Variants in APC observed in about 807,000 individuals in gnomAD.
APC encodes adenomatous polyposis coli protein.
In APC, 72 loss-of-function variants were observed where a neutral mutation model predicts 247.0. That is an observed-to-expected ratio of 0.29 (90% CI 0.24 to 0.35). The LOEUF is 0.35. Among genes scored for constraint, APC ranks in the 10% least tolerant of loss-of-function variants. The pLI, the probability that APC is intolerant of heterozygous loss-of-function variation, is 1.00. For missense variants in APC, 3,400 were observed against 3,360.7 expected, an observed-to-expected ratio of 1.01 and a Z score of -0.29; for synonymous variants, 1,254 against 1,162.5, an observed-to-expected ratio of 1.08 and a Z score of -1.60.
At position 112,806,005 on chromosome 5, in the gene APC, C is replaced by T. The variant is rs185150066; in HGVS notation, c.834+4622C>T. 5.9e-5 allele frequency among the ~76,000 whole-genome samples: 9 copies of T among 152,306 alleles called. No individual in the cohort carries two copies. In the East Asian group the frequency reaches 1.2e-3, roughly 20 times the overall value. ...TTTATGTCACATCTTGCTCTCACAC[C>T]TCCACACTGGCCTTCTCTCAGTACC... On this transcript the variant is annotated intron_variant, in intron 8 of 15. Coordinates refer to ENST00000257430, the MANE Select transcript of APC (RefSeq NM_000038.6).
intron 4 of APC, among the ~76,000 whole-genome samples, chr5:112,771,962 A>C (rs2149804049): frequency 6.6e-6 from 1 of 152,318 alleles, no homozygotes; most frequent in South Asian, 2.1e-4. Flanking sequence ...CATGAGAATA[A>C]CGACCTCAAA....
At position 112,774,858 on chromosome 5, in the gene APC, A is replaced by C. The variant is rs182661798; in HGVS notation, c.423-771A>C. 1.7e-4 allele frequency among the ~76,000 whole-genome samples: 26 copies of C among 152,350 alleles called. 1 individual carries two copies. Among genetic ancestry groups the C allele is most frequent in the Admixed American group, 1.5e-3 (23 of 15,302 alleles). ...ATGCTACAATTTATATTTAAAATGTACATATAAGTATGCACATATGTCCTT... is the reference window on the plus strand; with the variant it reads ...ATGCTACAATTTATATTTAAAATGTCCATATAAGTATGCACATATGTCCTT... On this transcript the variant is annotated intron_variant, in intron 4 of 15. Coordinates refer to ENST00000257430, the MANE Select transcript of APC (RefSeq NM_000038.6).
chr5:112,762,849 G>A (rs1447996740), intron 2 of APC, among the ~76,000 whole-genome samples: 1 of 152,170 alleles, frequency 6.6e-6, no homozygotes, highest in Non-Finnish European at 1.5e-5. Context: ...AAAATTACTT[G>A]AGGTCAGTTT....
rs1381710450 is a variant in APC, at chr5:112,828,994, A to G, written c.1743+22A>G. The G allele has an allele frequency of 3.9e-6, 6 of 1,525,322 alleles. No individual in the cohort carries two copies. The Admixed American group carries it at 6.7e-5, about 17-fold the overall frequency. The allele number at this position is 1,525,322 out of a possible 1,614,324, so 94.5% of individuals were successfully genotyped here. ...AAAGGTACCTTTGAAAACATTTAGT[A>G]CTATAATATGAATTTCATGTTTGGC... On this transcript the variant is annotated intron_variant, in intron 14 of 15. Coordinates refer to ENST00000257430, the MANE Select transcript of APC (RefSeq NM_000038.6).
chr5:112,731,032 G>T (rs2149672106), intron 1 of APC, among the ~76,000 whole-genome samples: 1 of 151,492 alleles, frequency 6.6e-6, no homozygotes, highest in African/African-American at 2.4e-5. Flanking sequence ...ACAATATTCT[G>T]CATTTTCACA....
chr5:112,828,223 G>A (rs1225584743), intron 13 of APC, among the ~76,000 whole-genome samples: 2 of 151,840 alleles, frequency 1.3e-5, no homozygotes, highest in Non-Finnish European at 2.9e-5. Flanking sequence ...TTATAGAGAC[G>A]GGGTTTCACC....
chr5:112,783,630 CAAA>C (rs563801773), intron 6 of APC: 197 of 80,598 alleles, frequency 2.4e-3, no homozygotes, highest in South Asian at 0.011. Context: ...CTGCCTCTAC[CAAA>C]AAAAAAAAAA....
chr5:112,734,974 A>AT (rs973295596), upstream of APC, among the ~76,000 whole-genome samples: 371 of 150,100 alleles, frequency 2.5e-3, 2 homozygotes, highest in African/African-American at 8.1e-3. Flanking sequence ...CTATTTAGTC[A>AT]TTTTTTTTTG....
chr5:112,708,516 G>A (rs1750664284), intron 1 of APC, among the ~76,000 whole-genome samples: 2 of 152,120 alleles, frequency 1.3e-5, no homozygotes, highest in Non-Finnish European at 2.9e-5. Flanking sequence ...GTGGGGGCGT[G>A]AGCTTTCTAG....
chr5:112,711,017 C>G (rs1287582013), intron 1 of APC, among the ~76,000 whole-genome samples: 1 of 152,232 alleles, frequency 6.6e-6, no homozygotes, highest in African/African-American at 2.4e-5. Flanking sequence ...ATCACCAAAT[C>G]CAATGACGTT....
chr5:112,709,787 T>G (rs1750743202), intron 1 of APC, among the ~76,000 whole-genome samples: 2 of 151,912 alleles, frequency 1.3e-5, no homozygotes, highest in African/African-American at 4.8e-5. Context: ...TGCCTGTGAT[T>G]CCAGCTACTT....
chr5:112,834,572 C>G (rs1580601720), intron 14 of APC, among the ~76,000 whole-genome samples: 2 of 152,116 alleles, frequency 1.3e-5, no homozygotes, highest in Middle Eastern at 3.4e-3. Context: ...ACTTCCTGTT[C>G]ACTTTTTTTT....
rs951500465 is a variant in APC at position 112,707,576 on chromosome 5, G to C, written c.-142G>C. 12 of 869,610 alleles carry C rather than the reference G, an allele frequency of 1.4e-5. No homozygotes were observed. The highest frequency in any genetic ancestry group is 8.4e-5 in the Admixed American group (3 of 35,742). The allele number at this position is 869,610 out of a possible 1,614,324, so 53.9% of individuals were successfully genotyped here. A position where few individuals can be genotyped will look rare whatever the true frequency, so the allele number is the denominator to read the frequency against. On this transcript the variant is annotated 5_prime_UTR_variant, in exon 1 of 14. Coordinates refer to the APC transcript ENST00000507379. ...GCGGGGTGTGGCCGCCGGAAGCCTAGCCGCTGCTCGGGGGGGACCTGCGGG... is the reference window on the plus strand; with the variant it reads ...GCGGGGTGTGGCCGCCGGAAGCCTACCCGCTGCTCGGGGGGGACCTGCGGG...
At position 112,767,323 on chromosome 5, in the gene APC, C is replaced by T. The variant is rs2149789193; in HGVS notation, c.355C>T (p.Pro119Ser). The T allele has an allele frequency of 6.2e-7, 1 of 1,614,020 alleles. No homozygotes were observed. The highest frequency in any genetic ancestry group is 8.5e-7 in the Non-Finnish European group (1 of 1,179,986). Residue 119 changes from proline to serine, a missense_variant, in exon 4 of 16, where the codon CCA becomes TCA. Pro to Ser is a moderately conservative substitution (Grantham distance 74, BLOSUM62 -1). Coordinates refer to ENST00000257430, the MANE Select transcript of APC (RefSeq NM_000038.6). ...CAGTCCTGTTCCTATGGGTTCATTT[C>T]CAAGAAGAGGGTTTGTAAATGGAAG... ...ECSPVPMGSFPRRGFVNGSRE... is the reference protein window; with the variant it reads ...ECSPVPMGSFSRRGFVNGSRE...
intron 10 of APC, among the ~76,000 whole-genome samples, chr5:112,820,243 G>A (rs972906214): frequency 1.3e-5 from 2 of 151,686 alleles, no homozygotes; most frequent in African/African-American, 2.4e-5. Flanking sequence ...TGATTCTACT[G>A]TATCAGCCTA....
At chr5:112,750,092 A>G (rs1754160487) in intron 1 of APC, among the ~76,000 whole-genome samples, 1 of 143,722 alleles carries the variant, frequency 7.0e-6, no homozygotes, top group Non-Finnish European at 1.5e-5. Context: ...CCTCCCAAGT[A>G]GCTGAGATTA....
chr5:112,821,872 GT>G, intron 10 of APC, 23 bp from the exon 11 acceptor site: 1 of 1,558,286 alleles, frequency 6.4e-7, no homozygotes. Flanking sequence ...AAGCATTATG[GT>G]TTATGTTGAT....
intron 1 of APC, among the ~76,000 whole-genome samples, chr5:112,753,278 G>T (rs1456408865): frequency 6.6e-6 from 1 of 152,046 alleles, no homozygotes; most frequent in Non-Finnish European, 1.5e-5. Flanking sequence ...TCCTTTGGCT[G>T]CATTACTTCT....
rs1449362613 is a variant in APC, at chr5:112,845,353, T to G, written c.*1227T>G. 4.3e-6 allele frequency: 1 copy of G among 232,848 alleles called. No individual in the cohort carries two copies. Among genetic ancestry groups the G allele is most frequent in the South Asian group, 1.8e-4 (1 of 5,524 alleles). The allele number at this position is 232,848 out of a possible 1,614,324, so 14.4% of individuals were successfully genotyped here. ...TAATAGGCCCACATAATTTCCTCTT[T>G]CTTAATATTATAGAATTCTGTACTT... On this transcript the variant is annotated 3_prime_UTR_variant, in exon 16 of 16. Transcript: ENST00000257430.
Sources: allele counts gnomAD v4.1 joint callset (sites outside exome capture counted in the v4.1 genomes callset), GRCh38; gene constraint gnomAD v4.1.1; transcripts MANE v1.5; gene names NCBI Gene and HGNC (gene_info 2026-07-23, HGNC 2026-07-21).